Variants in REV3L observed in about 807,000 individuals in gnomAD.
REV3L encodes DNA polymerase zeta catalytic subunit.
In REV3L, 69 loss-of-function variants were observed where a neutral mutation model predicts 299.4. The observed-to-expected ratio is 0.23, with a 90% confidence interval of 0.19 to 0.28. The LOEUF is 0.28. Among genes scored for constraint, REV3L ranks in the 10% least tolerant of loss-of-function variants. REV3L has a pLI of 1.00. For synonymous variants in REV3L, 1,238 were observed against 1,271.4 expected (o/e 0.97, Z 0.56); for missense variants, 3,128 against 3,693.8 (o/e 0.85, Z 3.97).
rs1373171350 is a variant in REV3L, at chr6:111,482,734, C to G, written c.139+16G>C. On this transcript the variant is annotated intron_variant, in intron 1 of 31. Coordinates refer to ENST00000368802, the MANE Select transcript of REV3L (RefSeq NM_001372078.1). The stretch of plus-strand genomic sequence containing the variant: ...CGCCGACTCCCGCTCCCGCCCCGCG[C>G]CCGGCGCCCGCTTACCTGCCGGGGT... 1 of 1,355,000 alleles carries G rather than the reference C, an allele frequency of 7.4e-7. No homozygotes were observed. Among genetic ancestry groups the G allele is most frequent in the East Asian group, 3.0e-5 (1 of 33,248 alleles). 83.9% of individuals were successfully genotyped at this position (1,355,000 alleles called of 1,614,324 possible).
intron 21 of REV3L, among the ~76,000 whole-genome samples, chr6:111,339,919 C>A (rs1311727217): frequency 6.6e-6 from 1 of 152,080 alleles, no homozygotes; most frequent in African/African-American, 2.4e-5. Flanking sequence ...TTATGCCATC[C>A]TCCTAATGCT....
chr6:111,391,375 CTT>C (rs997229214), intron 5 of REV3L, among the ~76,000 whole-genome samples: 2 of 152,030 alleles, frequency 1.3e-5, no homozygotes, highest in Non-Finnish European at 2.9e-5. Context: ...CCTTGAAACA[CTT>C]TTTAATGTTT....
chr6:111,477,879 T>C (rs1793128795), intron 1 of REV3L, among the ~76,000 whole-genome samples: 1 of 152,176 alleles, frequency 6.6e-6, no homozygotes, highest in Non-Finnish European at 1.5e-5. Context: ...GCTACTGTAG[T>C]AAACCTGACC....
intron 1 of REV3L, among the ~76,000 whole-genome samples, chr6:111,433,705 G>A (rs901332037): frequency 6.6e-6 from 1 of 152,078 alleles, no homozygotes; most frequent in Non-Finnish European, 1.5e-5. Flanking sequence ...CATTCTATGA[G>A]ACCAGCATTA....
In REV3L at chr6:111,309,988, T is replaced by C. The variant is rs761321800; in HGVS notation, c.8907A>G (p.Pro2969=). The C allele has an allele frequency of 1.2e-6, 2 of 1,613,948 alleles. No individual in the cohort carries two copies. The highest frequency in any genetic ancestry group is 2.2e-5 in the South Asian group (2 of 91,056). Residue 2969 remains proline, a synonymous_variant, in exon 30 of 32, where the codon CCA becomes CCG. Transcript: ENST00000368802. ...GAGTTGGGTCCTGCAGGACTTCCAC[T>C]GGGCGCCTTACAAGCTGGATAAGTG... ...GVPLIQLVRR[P]VEVLQDPTLR...
intron 22 of REV3L, 91 bp from the exon 23 acceptor site, chr6:111,333,458 T>A: frequency 6.7e-7 from 1 of 1,494,672 alleles, no homozygotes; most frequent in African/African-American, 1.4e-5. Flanking sequence ...AATCTGCTTT[T>A]CAGAATAAGA....
chr6:111,367,080 C>G, intron 14 of REV3L, 35 bp downstream of exon 14: 8 of 1,456,188 alleles, frequency 5.5e-6, no homozygotes, highest in Non-Finnish European at 7.4e-6. Context: ...TTCTGAAGAA[C>G]AATTATGGAG....
chr6:111,481,844 A>T (rs934052431), intron 1 of REV3L, among the ~76,000 whole-genome samples: 2 of 152,278 alleles, frequency 1.3e-5, no homozygotes, highest in Admixed American at 1.3e-4. Context: ...GTTTTTGAGA[A>T]CGTACCTTCT....
rs540882554 is a variant in REV3L, at chr6:111,477,525, G to T, written c.139+5225C>A. On this transcript the variant is annotated intron_variant, in intron 1 of 31. Transcript: ENST00000368802. ...TAAAAACATTCTCAGCAGGGGCAACGGCAGGTACAAAGCCCTCACTGTGGG... is the reference window on the plus strand; with the variant it reads ...TAAAAACATTCTCAGCAGGGGCAACTGCAGGTACAAAGCCCTCACTGTGGG... Among the ~76,000 whole-genome samples, 13 of 152,294 alleles carry T rather than the reference G, an allele frequency of 8.5e-5. No individual in the cohort carries two copies. In the South Asian group the frequency reaches 2.5e-3, roughly 29 times the overall value.
At chr6:111,429,928 C>T (rs1299066170) in intron 1 of REV3L, among the ~76,000 whole-genome samples, 1 of 152,002 alleles carries the variant, frequency 6.6e-6, no homozygotes, top group Admixed American at 6.5e-5. Context: ...ATGAAGTCAC[C>T]GAACTCTCCG....
chr6:111,466,490 G>A (rs1791533495), intron 1 of REV3L, among the ~76,000 whole-genome samples: 2 of 152,084 alleles, frequency 1.3e-5, no homozygotes, highest in African/African-American at 4.8e-5. Context: ...TTTTCAGGAG[G>A]GAAAATTACT....
intron 30 of REV3L, 92 bp downstream of exon 30, chr6:111,309,761 A>G: frequency 4.9e-6 from 7 of 1,416,818 alleles, no homozygotes; most frequent in South Asian, 2.8e-5. Flanking sequence ...CAGCACTCCC[A>G]TATCAATAGC....
At chr6:111,348,745 G>C (rs1777273023) in intron 20 of REV3L, among the ~76,000 whole-genome samples, 1 of 152,210 alleles carries the variant, frequency 6.6e-6, no homozygotes, top group Non-Finnish European at 1.5e-5. Flanking sequence ...GGCTGCCTGA[G>C]CTCAAGTGAT....
Position 111,367,825 on chromosome 6 carries a change from T to C in REV3L, c.5963A>G (p.Glu1988Gly), listed in dbSNP as rs1180819168. 3 of 1,614,022 alleles carry C rather than the reference T, an allele frequency of 1.9e-6. No individual in the cohort carries two copies. Among genetic ancestry groups the C allele is most frequent in the African/African-American group, 2.7e-5 (2 of 74,922 alleles). ...AGGCATAATCACAATTTTTTTATCT[T>C]CAACCATCTTAGGGCTATTACTTGA... ...KGSSNSPKMV[E>G]DKKIVIMPCK... Residue 1988 changes from glutamate to glycine, a missense_variant, in exon 14 of 32, where the codon GAA (glutamate) becomes GGA (glycine). Physicochemically the swap from Glu to Gly is moderately conservative, Grantham distance 98. This residue lies in a region of REV3L where 2,409 missense variants were observed against 2,611.8 expected (regional missense o/e 0.92). Transcript: ENST00000368802.
intron 27 of REV3L, among the ~76,000 whole-genome samples, chr6:111,314,816 A>G (rs1160707379): frequency 1.3e-5 from 2 of 151,680 alleles, no homozygotes. Context: ...ACAAATTTTG[A>G]GAAAATTATA....
At chr6:111,415,197 C>T (rs993123289) in intron 2 of REV3L, among the ~76,000 whole-genome samples, 9 of 152,038 alleles carry the variant, frequency 5.9e-5, no homozygotes, top group African/African-American at 2.2e-4. Context: ...ATTGCTGGGC[C>T]CCAAGAATGT....
intron 25 of REV3L, among the ~76,000 whole-genome samples, chr6:111,327,486 C>T (rs868339172): frequency 3.3e-5 from 5 of 149,578 alleles, no homozygotes; most frequent in Non-Finnish European, 5.9e-5. Flanking sequence ...CCTGGGAGGT[C>T]GAGGCTGCAG....
At chr6:111,396,138 T>G (rs1158398469) in intron 4 of REV3L, among the ~76,000 whole-genome samples, 1 of 152,006 alleles carries the variant, frequency 6.6e-6, no homozygotes, top group Admixed American at 6.6e-5. Flanking sequence ...GCCATCCTCC[T>G]ACCTAAGTCT....
chr6:111,347,131 G>A (rs1347903663), intron 20 of REV3L, among the ~76,000 whole-genome samples: 1 of 151,978 alleles, frequency 6.6e-6, no homozygotes, highest in Non-Finnish European at 1.5e-5. Flanking sequence ...TTAGCCAGGT[G>A]TGGTTCAGGC....
Sources: gnomAD v4.1 joint callset for allele counts (sites outside exome capture counted in the v4.1 genomes callset) on GRCh38, gnomAD v4.1.1 for gene constraint, gnomAD v4.1.1 regional missense constraint, MANE v1.5 for transcripts, NCBI Gene and HGNC (gene_info 2026-07-23, HGNC 2026-07-21) for gene names.